Variants in NEB observed in about 807,000 individuals in gnomAD.
The protein encoded by NEB is nebulin.
A neutral mutation model predicts 952.2 loss-of-function variants in NEB; 512 were observed. The ratio of observed to expected loss-of-function variants is 0.54; its 90% confidence interval spans 0.50 to 0.58. The LOEUF (loss-of-function observed/expected upper bound fraction) is 0.58, where lower values mean the gene tolerates loss of function less well. NEB is among the 20% of genes least tolerant of loss of function. NEB has a pLI of 0.00. For missense variants in NEB, 8,428 were observed against 9,231.1 expected (o/e 0.91, Z 3.56); for synonymous variants, 2,900 against 3,149.8 (o/e 0.92, Z 2.66).
At chr2:151,708,691 C>T (rs1162105428) in intron 12 of NEB, among the ~76,000 whole-genome samples, 1 of 152,188 alleles carries the variant, frequency 6.6e-6, no homozygotes, top group Non-Finnish European at 1.5e-5. Flanking sequence ...GTCGACTGAC[C>T]TCTGACACTT....
intron 48 of NEB, among the ~76,000 whole-genome samples, chr2:151,657,298 G>C (rs1367493022): frequency 6.6e-6 from 1 of 152,142 alleles, no homozygotes; most frequent in African/African-American, 2.4e-5. Context: ...AGGAGAGATT[G>C]TTTTGAAATA....
chr2:151,526,165 A>T lies in NEB; in HGVS notation c.22043T>A (p.Val7348Glu). Residue 7348 changes from valine to glutamate, a missense_variant, in exon 149 of 182, where the codon GTG becomes GAG. By Grantham distance (121) the Val-to-Glu change is moderately radical. Around this residue, in one of 11 missense-constraint regions of NEB, gnomAD observed 3,374 missense variants for 3,651.5 expected, o/e 0.92. Coordinates refer to ENST00000397345, the MANE Select transcript of NEB (RefSeq NM_001164508.2). ...TGGGCGGCTGGGGGTTACCTCAGAC[A>T]CCAGGTTGCTGACAGTCTTCGCCAG... ...ILLAKTVSNL[V>E]SENKYKDHVK... 1 of 1,613,882 alleles carries T rather than the reference A, an allele frequency of 6.2e-7. No individual in the cohort carries two copies. The highest frequency in any genetic ancestry group is 8.5e-7 in the Non-Finnish European group (1 of 1,179,784).
At position 151,491,775 on chromosome 2, in the gene NEB, C is replaced by T. The variant is rs771909896; in HGVS notation, c.25058G>A (p.Gly8353Asp). The change falls in exon 179 of 182, where the codon GGT becomes GAT. Residue 8353 changes from glycine to aspartate, a missense_variant and splice_region_variant. Gly to Asp is a moderately conservative substitution (Grantham distance 94). Transcript: ENST00000397345. ...AGGATTAGTACGCCAGACACGTAAA[C>T]CTGAAAGGGAAACCAGTGATCAGAA... ...RNDQDQETIT[G>D]LRVWRTNPGS... 3.8e-6 allele frequency: 6 copies of T among 1,580,384 alleles called. No individual in the cohort carries two copies. In the East Asian group the frequency reaches 6.9e-5, roughly 18 times the overall value.
At position 151,640,020 on chromosome 2, in the gene NEB, C is replaced by G; in HGVS notation, c.8726G>C (p.Gly2909Ala). 6.2e-7 allele frequency: 1 copy of G among 1,613,958 alleles called. No individual in the cohort carries two copies. The highest frequency in any genetic ancestry group is 8.5e-7 in the Non-Finnish European group (1 of 1,179,830). ...ATCCAAAGAGCCAATGGACACCCAG[C>G]CAATGCCTCTCATCCACTGGAGATC... Reference protein sequence around the residue: ...KSDLQWMRGIGWVSIGSLDVE... With the variant: ...KSDLQWMRGIAWVSIGSLDVE... The change falls in exon 62 of 182, where the codon GGC becomes GCC. Residue 2909 changes from glycine (G) to alanine (A), a missense_variant. Around this residue, in one of 11 missense-constraint regions of NEB, gnomAD observed 1,772 missense variants for 1,960.3 expected, o/e 0.90. Transcript: ENST00000397345.
intron 129 of NEB, 82 bp downstream of exon 129, chr2:151,551,656 A>ATTT: frequency 9.5e-7 from 1 of 1,057,626 alleles, no homozygotes; most frequent in East Asian, 2.4e-5. Flanking sequence ...AGGTCAGGTC[A>ATTT]AGAGGAAGCA....
rs549736667 is a variant in NEB at position 151,636,029 on chromosome 2, C to T, written c.9102+198G>A. 2.0e-5 allele frequency among the ~76,000 whole-genome samples: 3 copies of T among 152,338 alleles called. No individual in the cohort carries two copies. The South Asian group carries it at 6.2e-4, about 32-fold the overall frequency. On this transcript the variant is annotated intron_variant, in intron 64 of 181. Coordinates refer to ENST00000397345, the MANE Select transcript of NEB (RefSeq NM_001164508.2). ...GGTTGACCAGTTTTCACAGAAGACG[C>T]TGTGTCCTGTAGGTTACAGATCCCT... is the stretch of plus-strand genomic sequence containing the variant.
intron 64 of NEB, among the ~76,000 whole-genome samples, chr2:151,635,143 A>G (rs768766033): frequency 3.3e-5 from 5 of 152,200 alleles, no homozygotes; most frequent in African/African-American, 9.6e-5. Context: ...TCCTAGGGCA[A>G]TTATGAAGAG....
chr2:151,499,362 C>CCTTTT lies in NEB; in HGVS notation c.24045_24049dup (p.Gly8017GlufsTer130). 6.5e-7 allele frequency: 1 copy of CCTTTT among 1,545,654 alleles called. No homozygotes were observed. Among genetic ancestry groups the CCTTTT allele is most frequent in the Non-Finnish European group, 8.7e-7 (1 of 1,143,138 alleles). On this transcript the variant is annotated frameshift_variant, in exon 169 of 182. Transcript: ENST00000397345. LOFTEE classifies it high-confidence loss of function. The stretch of plus-strand genomic sequence containing the variant: ...CTCTGGAGTGATGGGGATTGGAATC[C>CCTTTT]CTTTTCCAACGTTTTCTTTATACAA...
At chr2:151,627,977 A>G in intron 68 of NEB, 143 bp from the exon 69 acceptor site, 3 of 1,170,652 alleles carry the variant, frequency 2.6e-6, no homozygotes, top group African/African-American at 3.1e-5. Flanking sequence ...TCCTCATCCT[A>G]AATTCTTATT....
At position 151,532,099 on chromosome 2, in the gene NEB, T is replaced by C. The variant is rs2153503537; in HGVS notation, c.21418-203A>G. 3.2e-5 allele frequency: 15 copies of C among 468,748 alleles called. No homozygotes were observed. In the South Asian group the frequency reaches 3.9e-4, roughly 12 times the overall value. 29.0% of individuals were successfully genotyped at this position (468,748 alleles called of 1,614,324 possible). ...ATGATACTACTACTAATAATTTCCT[T>C]TTTTTGTTTCCCTCCGAGACGGAGT... On this transcript the variant is annotated intron_variant, in intron 143 of 181. Transcript: ENST00000397345.
chr2:151,572,663 A>C (rs1046336528), intron 107 of NEB, among the ~76,000 whole-genome samples: 3 of 150,118 alleles, frequency 2.0e-5, no homozygotes, highest in African/African-American at 7.3e-5. Flanking sequence ...CTTGTGCCTC[A>C]GCCACCCAAG....
Position 151,561,004 on chromosome 2 carries a change from A to C in NEB, c.19206T>G (p.Ser6402Arg), listed in dbSNP as rs1052443126. Residue 6402 changes from serine (S) to arginine (R), a missense_variant and splice_region_variant, in exon 123 of 182, where the codon AGT becomes AGG. By Grantham distance (110) the Ser-to-Arg change is moderately radical. This residue lies in a region of NEB where 3,374 missense variants were observed against 3,651.5 expected (regional missense o/e 0.92). Coordinates refer to ENST00000397345, the MANE Select transcript of NEB (RefSeq NM_001164508.2). ...AAGGGGGAAAAAAAACTCAACTCAC[A>C]CTGCTGTAAAGATTCTTCAGGTTTC... is the stretch of plus-strand genomic sequence containing the variant. ...RTRNLKNLYS[S>R]NLYKEAWDRV... 1 of 1,590,114 alleles carries C rather than the reference A, an allele frequency of 6.3e-7. No individual in the cohort carries two copies. Among genetic ancestry groups the C allele is most frequent in the African/African-American group, 1.3e-5 (1 of 74,242 alleles).
chr2:151,570,228 A>G lies in NEB; in HGVS notation c.17283T>C (p.Pro5761=). Residue 5761 remains proline (P), a synonymous_variant, in exon 109 of 182, where the codon CCT becomes CCC. Coordinates refer to ENST00000397345, the MANE Select transcript of NEB (RefSeq NM_001164508.2). ...AGTGCAGGATGGAAAGCATGTCCAC[A>G]GGGCTCTGGATCTTGGCCTTCCATT... ...WAKWKAKIQS[P]VDMLSILHSK... is the part of the protein sequence containing the mutation. The G allele has an allele frequency of 1.2e-6, 2 of 1,613,798 alleles. No homozygotes were observed. The highest frequency in any genetic ancestry group is 1.7e-6 in the Non-Finnish European group (2 of 1,179,810).
intron 48 of NEB, among the ~76,000 whole-genome samples, chr2:151,656,756 G>C (rs758507091): frequency 1.1e-4 from 16 of 151,674 alleles, no homozygotes; most frequent in Non-Finnish European, 2.2e-4. Flanking sequence ...TTAGAACCCA[G>C]ATTTTGTGAT....
In NEB at chr2:151,664,618, A is replaced by G. The variant is rs771189081; in HGVS notation, c.5344-10T>C. On this transcript the variant is annotated splice_polypyrimidine_tract_variant and intron_variant, in intron 43 of 181. Transcript: ENST00000397345. ...CAGCTTTGTACAGTTTCTAAACAAT[A>G]AAATAGAAAAACAACAGCATCTTGT... 6.3e-7 allele frequency: 1 copy of G among 1,587,386 alleles called. No individual in the cohort carries two copies. Among genetic ancestry groups the G allele is most frequent in the South Asian group, 1.1e-5 (1 of 87,376 alleles).
In NEB at chr2:151,662,322, T is replaced by G. The variant is rs1006809492; in HGVS notation, c.5783A>C (p.Tyr1928Ser). Residue 1928 changes from tyrosine to serine, a missense_variant, in exon 46 of 182, where the codon TAT (tyrosine) becomes TCT (serine). Physicochemically the swap from Tyr to Ser is moderately radical, Grantham distance 144 (BLOSUM62 -2). Around this residue, in one of 11 missense-constraint regions of NEB, gnomAD observed 2,851 missense variants for 2,791.5 expected, o/e 1.02. Transcript: ENST00000397345. ...TCCAATGCCCTTCATGAAGTCAGCA[T>G]AGTCAGCCTTGTACTGATTCTGCAA... The part of the protein sequence containing the change: ...IQSDNQYKAD[Y>S]ADFMKGIGWL... 2 of 1,613,376 alleles carry G rather than the reference T, an allele frequency of 1.2e-6. No individual in the cohort carries two copies. The highest frequency in any genetic ancestry group is 3.3e-5 in the Admixed American group (2 of 59,974).
chr2:151,647,447 A>G (rs2098975334), intron 54 of NEB, among the ~76,000 whole-genome samples: 1 of 152,190 alleles, frequency 6.6e-6, no homozygotes, highest in African/African-American at 2.4e-5. Context: ...GAATATTTAC[A>G]CAGGGCAGAA....
At chr2:151,639,453 C>A in intron 62 of NEB, 69 bp from the exon 63 acceptor site, 1 of 1,130,014 alleles carries the variant, frequency 8.8e-7, no homozygotes, top group Non-Finnish European at 1.2e-6. Context: ...ATTTTAGGGC[C>A]ACAAAAACTT....
chr2:151,685,067 GAGAA>G (rs2099484196), intron 27 of NEB, 92 bp from the exon 28 acceptor site: 3 of 1,306,234 alleles, frequency 2.3e-6, no homozygotes, highest in Non-Finnish European at 2.1e-6. Context: ...ATACAAGTTA[GAGAA>G]AGAGTCAAAC....
Sources: gnomAD v4.1 joint callset for allele counts (sites outside exome capture counted in the v4.1 genomes callset) on GRCh38, gnomAD v4.1.1 for gene constraint, gnomAD v4.1.1 regional missense constraint, MANE v1.5 for transcripts, NCBI Gene and HGNC (gene_info 2026-07-23, HGNC 2026-07-21) for gene names.